The following ST6GALNAC5 variants were observed in gnomAD, a reference collection of about 807,000 sequenced individuals.
ST6GALNAC5 encodes alpha-N-acetylgalactosaminide alpha-2,6-sialyltransferase 5.
ST6GALNAC5 carries 27 observed loss-of-function variants against 33.6 expected under a neutral mutation model. The observed-to-expected ratio is 0.80, with a 90% CI of 0.59 to 1.11. The LOEUF (loss-of-function observed/expected upper bound fraction) is 1.11. Among genes scored for constraint, ST6GALNAC5 ranks in the 50% least tolerant of loss-of-function variants. ST6GALNAC5 has a pLI of 0.00. For missense variants in ST6GALNAC5, 428 were observed against 454.0 expected (o/e 0.94, Z 0.52); for synonymous variants, 194 against 171.2 (o/e 1.13, Z -1.04).
intron 2 of ST6GALNAC5, among the ~76,000 whole-genome samples, chr1:76,944,384 T>A (rs1412506482): frequency 2.0e-5 from 3 of 152,118 alleles, no homozygotes; most frequent in Non-Finnish European, 4.4e-5. Context: ...AGGATTTTTT[T>A]ATGAAGTCAC....
At chr1:77,004,661 G>A (rs1650321820) in intron 2 of ST6GALNAC5, among the ~76,000 whole-genome samples, 1 of 117,668 alleles carries the variant, frequency 8.5e-6, no homozygotes, top group African/African-American at 2.6e-5. Context: ...ATGTACAGAT[G>A]GGTTTTTGGT....
At chr1:77,030,984 A>G (rs543177348) in intron 2 of ST6GALNAC5, among the ~76,000 whole-genome samples, 3 of 152,216 alleles carry the variant, frequency 2.0e-5, no homozygotes, top group Non-Finnish European at 4.4e-5. Flanking sequence ...AGTTTCCATT[A>G]CATAAACAGT....
intron 2 of ST6GALNAC5, among the ~76,000 whole-genome samples, chr1:76,957,723 C>T (rs886102282): frequency 6.0e-5 from 9 of 150,864 alleles, no homozygotes; most frequent in African/African-American, 1.7e-4. Flanking sequence ...ATAACATTTT[C>T]GCTACATAAC....
intron 2 of ST6GALNAC5, among the ~76,000 whole-genome samples, chr1:76,934,686 T>C (rs536420703): frequency 1.3e-5 from 2 of 152,094 alleles, no homozygotes; most frequent in African/African-American, 2.4e-5. Flanking sequence ...AACCTGCCGA[T>C]GTGAGAAGTA....
intron 2 of ST6GALNAC5, among the ~76,000 whole-genome samples, chr1:76,936,953 G>GGCATGTGTGTGT (rs138095164): frequency 7.1e-6 from 1 of 139,946 alleles, no homozygotes; most frequent in African/African-American, 2.7e-5. Context: ...AGAGAAGCAG[G>GGCATGTGTGTGT]GTGTGTGTGT....
Position 76,986,760 on chromosome 1 carries a change from T to C in ST6GALNAC5, c.262-57444T>C, listed in dbSNP as rs141291718. On this transcript the variant is annotated intron_variant, in intron 2 of 4. Transcript: ENST00000477717. ...CACAATATCAATGACTTGGAACCAATCCAAATGTCCATCAGTGATAGACTA... is the reference window on the plus strand; with the variant it reads ...CACAATATCAATGACTTGGAACCAACCCAAATGTCCATCAGTGATAGACTA... 2.1e-3 allele frequency among the ~76,000 whole-genome samples: 326 copies of C among 152,172 alleles called. 2 individuals are homozygous for C. The highest frequency in any genetic ancestry group is 7.5e-3 in the African/African-American group (310 of 41,508).
At chr1:77,008,277 G>A (rs527929620) in intron 2 of ST6GALNAC5, among the ~76,000 whole-genome samples, 2 of 152,174 alleles carry the variant, frequency 1.3e-5, no homozygotes, top group Non-Finnish European at 2.9e-5. Context: ...AGGTATTTCA[G>A]TGGGGGAGAA....
intron 2 of ST6GALNAC5, among the ~76,000 whole-genome samples, chr1:76,970,002 A>C (rs1026767212): frequency 6.6e-6 from 1 of 152,080 alleles, no homozygotes; most frequent in African/African-American, 2.4e-5. Flanking sequence ...ATCAACATCA[A>C]CAAAAAGGAC....
intron 2 of ST6GALNAC5, among the ~76,000 whole-genome samples, chr1:77,012,900 C>G (rs1158824542): frequency 6.6e-6 from 1 of 152,122 alleles, no homozygotes. Context: ...TGTGGTGTTT[C>G]CATAGACATG....
rs532455975 is a variant in ST6GALNAC5, at chr1:77,066,985, A to G, written c.*3779A>G. 6.6e-6 allele frequency among the ~76,000 whole-genome samples: 1 copy of G among 152,308 alleles called. No individual in the cohort carries two copies. Among genetic ancestry groups the G allele is most frequent in the African/African-American group, 2.4e-5 (1 of 41,568 alleles). ...GGTGGGAGGAATATATCTGGCTACC[A>G]TACAAGGTACTTCAGAAGTACCATT... On this transcript the variant is annotated 3_prime_UTR_variant, in exon 5 of 5. Transcript: ENST00000477717.
intron 2 of ST6GALNAC5, among the ~76,000 whole-genome samples, chr1:76,905,932 A>G (rs555919008): frequency 2.0e-5 from 3 of 152,164 alleles, no homozygotes; most frequent in Non-Finnish European, 4.4e-5. Context: ...TGGTGTTAAG[A>G]TGGAGAAAGG....
intron 2 of ST6GALNAC5, among the ~76,000 whole-genome samples, chr1:76,965,798 A>G (rs558117443): frequency 2.6e-5 from 4 of 152,318 alleles, no homozygotes; most frequent in Admixed American, 1.3e-4. Context: ...GGTGTAACGA[A>G]GGGATCCAAT....
intron 2 of ST6GALNAC5, among the ~76,000 whole-genome samples, chr1:77,036,040 T>C (rs1197823129): frequency 1.3e-5 from 2 of 152,014 alleles, no homozygotes; most frequent in Non-Finnish European, 2.9e-5. Context: ...ATAAACAAAA[T>C]GTGGTATGGA....
At chr1:76,892,824 C>T (rs544703987) in intron 2 of ST6GALNAC5, among the ~76,000 whole-genome samples, 6 of 152,262 alleles carry the variant, frequency 3.9e-5, no homozygotes, top group Non-Finnish European at 7.4e-5. Context: ...TCTCTTTTTA[C>T]GTTTTTGCAC....
intron 2 of ST6GALNAC5, among the ~76,000 whole-genome samples, chr1:77,037,780 C>T (rs1651700374): frequency 2.6e-5 from 4 of 151,954 alleles, no homozygotes; most frequent in Admixed American, 2.6e-4. Context: ...ACAATGGGGG[C>T]TTAGATGAAG....
At chr1:76,944,397 G>A (rs1168011841) in intron 2 of ST6GALNAC5, among the ~76,000 whole-genome samples, 1 of 152,000 alleles carries the variant, frequency 6.6e-6, no homozygotes, top group Non-Finnish European at 1.5e-5. Flanking sequence ...GAAGTCACAG[G>A]CCCAAGGGAG....
rs189700948 is a variant in ST6GALNAC5, at chr1:77,043,101, G to A, written c.262-1103G>A. Among the ~76,000 whole-genome samples, 6 of 152,338 alleles carry A rather than the reference G, an allele frequency of 3.9e-5. No homozygotes were observed. The East Asian group carries it at 1.2e-3, about 29-fold the overall frequency. On this transcript the variant is annotated intron_variant, in intron 2 of 4. Coordinates refer to ENST00000477717, the MANE Select transcript of ST6GALNAC5 (RefSeq NM_030965.3). ...GGATTCAATTTCCTGAGACAGTACA[G>A]GAAGCCAGCGTGTCCTGTTCAAAGT... is the stretch of plus-strand genomic sequence containing the variant.
At chr1:76,949,018 G>A (rs189659070) in intron 2 of ST6GALNAC5, among the ~76,000 whole-genome samples, 1 of 152,252 alleles carries the variant, frequency 6.6e-6, no homozygotes, top group Non-Finnish European at 1.5e-5. Context: ...TTGTGGTCTA[G>A]CTGGTGTCAT....
At chr1:77,002,411 G>A (rs1198738076) in intron 2 of ST6GALNAC5, among the ~76,000 whole-genome samples, 5 of 152,094 alleles carry the variant, frequency 3.3e-5, no homozygotes, top group Non-Finnish European at 7.4e-5. Context: ...ATAGCGGTCT[G>A]TAAATTTTGT....
Sources: allele counts gnomAD v4.1 joint callset (sites outside exome capture counted in the v4.1 genomes callset), GRCh38; gene constraint gnomAD v4.1.1; transcripts MANE v1.5; gene names NCBI Gene and HGNC (gene_info 2026-07-23, HGNC 2026-07-21).